EML4: variants seen among roughly 807,000 people sequenced by gnomAD.
EML4 encodes the protein EMAP like 4, also known as echinoderm microtubule-associated protein-like 4.
Under a neutral mutation model 129.0 loss-of-function variants are expected in EML4, and 72 were observed. The ratio of observed to expected loss-of-function variants is 0.56; its 90% confidence interval spans 0.46 to 0.68. The LOEUF (loss-of-function observed/expected upper bound fraction) is 0.68. EML4 is among the 30% of genes least tolerant of loss of function. The pLI, the probability that EML4 is intolerant of heterozygous loss-of-function variation, is 0.00. For synonymous variants in EML4, 532 were observed against 405.0 expected (o/e 1.31, Z -3.77); for missense variants, 1,363 against 1,190.6 (o/e 1.14, Z -2.13).
At chr2:42,177,180 A>G (rs192981692) in intron 1 of EML4, among the ~76,000 whole-genome samples, 9 of 152,052 alleles carry the variant, frequency 5.9e-5, no homozygotes, top group African/African-American at 1.9e-4. Flanking sequence ...AGATTTCATG[A>G]TCCAGTAAAA....
At chr2:42,214,041 AT>A in intron 1 of EML4, among the ~76,000 whole-genome samples, 3 of 152,286 alleles carry the variant, frequency 2.0e-5, no homozygotes, top group Middle Eastern at 6.8e-3. Flanking sequence ...GGTAACACAT[AT>A]GTTTTGTGAT....
chr2:42,277,169 A>G (rs1004440284), intron 6 of EML4, among the ~76,000 whole-genome samples: 6 of 152,222 alleles, frequency 3.9e-5, no homozygotes, highest in African/African-American at 1.4e-4. Context: ...AGTATTTATG[A>G]TGTACACCTC....
chr2:42,195,491 G>C (rs918968043), intron 1 of EML4, among the ~76,000 whole-genome samples: 27 of 152,086 alleles, frequency 1.8e-4, no homozygotes, highest in African/African-American at 6.0e-4. Flanking sequence ...AAATCCGTTT[G>C]TTAGGTTTTG....
At chr2:42,218,414 G>C (rs1212417466) in intron 1 of EML4, among the ~76,000 whole-genome samples, 1 of 152,032 alleles carries the variant, frequency 6.6e-6, no homozygotes, top group Non-Finnish European at 1.5e-5. Flanking sequence ...CATAATAAGT[G>C]TAATGTGTTT....
rs538746971 is a variant in EML4 at position 42,196,252 on chromosome 2, ATATT to A, written c.25+26619_25+26622del. 2.6e-3 allele frequency among the ~76,000 whole-genome samples: 399 copies of A among 152,344 alleles called. 7 individuals are homozygous for A. The highest frequency in any genetic ancestry group is 0.021 in the Admixed American group (328 of 15,300). ...CATTTATTAATGAATTTGGATAAAA[ATATT>A]TACCTTGCAAGATCAGATTAAAAGG... On this transcript the variant is annotated intron_variant, in intron 1 of 22. Transcript: ENST00000318522.
intron 1 of EML4, among the ~76,000 whole-genome samples, chr2:42,234,381 C>T (rs1300902165): frequency 6.6e-6 from 1 of 152,196 alleles, no homozygotes; most frequent in African/African-American, 2.4e-5. Flanking sequence ...TTGCTTACAA[C>T]ATCGGTGGTG....
intron 1 of EML4, among the ~76,000 whole-genome samples, chr2:42,221,376 A>G (rs1673580953): frequency 6.7e-6 from 1 of 148,238 alleles, no homozygotes; most frequent in African/African-American, 2.5e-5. Flanking sequence ...AGCTTAGATG[A>G]CAGCACATTG....
At chr2:42,253,361 A>AT (rs1675902241) in intron 2 of EML4, among the ~76,000 whole-genome samples, 1 of 152,214 alleles carries the variant, frequency 6.6e-6, no homozygotes, top group Admixed American at 6.5e-5. Context: ...TGTTTTTGAC[A>AT]TTTTAACATC....
intron 1 of EML4, among the ~76,000 whole-genome samples, chr2:42,187,658 T>C (rs1229481920): frequency 6.8e-6 from 1 of 146,282 alleles, no homozygotes; most frequent in African/African-American, 2.5e-5. Context: ...AATTCTCCTA[T>C]TTGGTGCTCA....
rs1409671396 is a variant in EML4, at chr2:42,264,107, T to TTTG, written c.642-597_642-596insGTT. Among the ~76,000 whole-genome samples the TTTG allele has an allele frequency of 1.9e-4, 25 of 133,192 alleles. 1 individual carries two copies. The highest frequency in any genetic ancestry group is 6.5e-4 in the African/African-American group (22 of 33,726). The allele number at this position is 133,192 out of a possible 152,430, so 87.4% of individuals were successfully genotyped here. A position where few individuals can be genotyped will look rare whatever the true frequency, so the allele number is the denominator to read the frequency against. ...CTCCCAACTCAAACAATACGTGTTT[T>TTTG]TTTTTTTTTTTTTTTTTTTTTTGAG... On this transcript the variant is annotated intron_variant, in intron 5 of 22. Transcript: ENST00000318522.
At chr2:42,186,963 C>T (rs549066892) in intron 1 of EML4, among the ~76,000 whole-genome samples, 3 of 150,852 alleles carry the variant, frequency 2.0e-5, no homozygotes, top group Non-Finnish European at 2.9e-5. Flanking sequence ...AGCCCCTTCC[C>T]TCTACATAGA....
intron 19 of EML4, among the ~76,000 whole-genome samples, chr2:42,323,400 G>A (rs1018915065): frequency 6.6e-6 from 1 of 152,122 alleles, no homozygotes; most frequent in Non-Finnish European, 1.5e-5. Flanking sequence ...GATTCCCAAC[G>A]TGTTTTCCAA....
intron 1 of EML4, among the ~76,000 whole-genome samples, chr2:42,233,558 C>A (rs1269672756): frequency 6.6e-6 from 1 of 152,096 alleles, no homozygotes; most frequent in Non-Finnish European, 1.5e-5. Context: ...CCGCCTGCCT[C>A]AGCCTCCCAA....
At position 42,256,608 on chromosome 2, in the gene EML4, ACT is replaced by A. The variant is rs1572637765; in HGVS notation, c.319_320del (p.Leu107PhefsTer5). 1.2e-6 allele frequency: 2 copies of A among 1,613,740 alleles called. No individual in the cohort carries two copies. On this transcript the variant is annotated frameshift_variant, in exon 3 of 23. Coordinates refer to ENST00000318522, the MANE Select transcript of EML4 (RefSeq NM_019063.5). LOFTEE classifies it high-confidence loss of function. ...TSAVSIAGKETLSSAAKSGTE... is the reference protein window; with the variant it reads ...TSAVSIAGKEXLSSAAKSGTE... ...TGCTGTCTCAATTGCAGGAAAAGAA[ACT>A]CTTTCATCTGCTGCTAAAAGGTACC...
chr2:42,236,862 T>C (rs1170711020), intron 1 of EML4, among the ~76,000 whole-genome samples: 1 of 152,206 alleles, frequency 6.6e-6, no homozygotes, highest in African/African-American at 2.4e-5. Flanking sequence ...CTGGTACGCA[T>C]AAGATAGTAT....
At chr2:42,234,901 A>T (rs973226271) in intron 1 of EML4, among the ~76,000 whole-genome samples, 11 of 152,244 alleles carry the variant, frequency 7.2e-5, no homozygotes, top group Non-Finnish European at 1.5e-4. Context: ...CATGCCTTGT[A>T]ATCCCAACAC....
chr2:42,328,793 C>A, intron 21 of EML4, 93 bp from the exon 22 acceptor site: 4 of 1,040,952 alleles, frequency 3.8e-6, no homozygotes, highest in Non-Finnish European at 4.0e-6. Context: ...TAGATAAAAG[C>A]TAAACAGATT....
At chr2:42,215,120 C>T (rs1224264514) in intron 1 of EML4, among the ~76,000 whole-genome samples, 2 of 152,116 alleles carry the variant, frequency 1.3e-5, no homozygotes, top group South Asian at 2.1e-4. Flanking sequence ...AATGCAGTGG[C>T]GTGATTATGG....
At position 42,201,055 on chromosome 2, in the gene EML4, G is replaced by A. The variant is rs1344104423; in HGVS notation, c.25+31419G>A. Among the ~76,000 whole-genome samples the A allele has an allele frequency of 3.3e-5, 5 of 152,292 alleles. No individual in the cohort carries two copies. The East Asian group carries it at 9.6e-4, about 29-fold the overall frequency. ...GTATAGTACTTTTAAGTTCTTTTAA[G>A]TGAAGGATACCTGTATTCTAATTTC... On this transcript the variant is annotated intron_variant, in intron 1 of 22. Transcript: ENST00000318522.
Sources: allele counts gnomAD v4.1 joint callset (sites outside exome capture counted in the v4.1 genomes callset), GRCh38; gene constraint gnomAD v4.1.1; transcripts MANE v1.5; gene names NCBI Gene and HGNC (gene_info 2026-07-23, HGNC 2026-07-21).